Variants in SEMA5B observed in about 807,000 individuals in gnomAD.
SEMA5B encodes the protein semaphorin-5B.
SEMA5B carries 66 observed loss-of-function variants against 135.0 expected under a neutral mutation model. That is an observed-to-expected ratio of 0.49 (90% confidence interval 0.40 to 0.60). SEMA5B has a LOEUF of 0.60. Among genes scored for constraint, SEMA5B ranks in the 20% least tolerant of loss-of-function variants. The pLI, the probability that SEMA5B is intolerant of heterozygous loss-of-function variation, is 0.00. For missense variants in SEMA5B, 1,501 were observed against 1,566.3 expected, an observed-to-expected ratio of 0.96 and a Z score of 0.70; for synonymous variants, 690 against 639.5, an observed-to-expected ratio of 1.08 and a Z score of -1.19.
rs551525977 is a variant in SEMA5B, at chr3:122,910,758, C to G, written c.3297+82G>C. ...CCGGGAGGCAGAGCTTGCAATGAGC[C>G]GAGATCCCACCACTGCACTCCAGCC... is the stretch of plus-strand genomic sequence containing the variant. On this transcript the variant is annotated intron_variant, in intron 22 of 22. Transcript: ENST00000357599. The G allele has an allele frequency of 6.1e-6, 7 of 1,155,374 alleles. No individual in the cohort carries two copies. The East Asian group carries it at 1.5e-4, about 25-fold the overall frequency. 71.6% of individuals were successfully genotyped at this position (1,155,374 alleles called of 1,614,324 possible).
chr3:122,998,116 G>C (rs1432444899), intron 1 of SEMA5B, among the ~76,000 whole-genome samples: 1 of 152,078 alleles, frequency 6.6e-6, no homozygotes, highest in East Asian at 1.9e-4. Context: ...GCCTCCCTTG[G>C]GGCCTTCTTA....
In SEMA5B at chr3:122,912,953, C is replaced by T. The variant is rs766588799; in HGVS notation, c.2615G>A (p.Gly872Asp). The change falls in exon 18 of 23, where the codon GGC becomes GAC. Residue 872 changes from glycine (G) to aspartate (D), a missense_variant. Transcript: ENST00000357599. ...WSSCSRDCEL[G>D]FRVRKRTCTN... ...GCACGTTCTCTTGCGGACGCGGAAG[C>T]CCAGCTCGCAGTCCCGGGAGCAGGA... 1.6e-5 allele frequency: 25 copies of T among 1,612,590 alleles called. No homozygotes were observed. Among genetic ancestry groups the T allele is most frequent in the Non-Finnish European group, 2.0e-5 (24 of 1,179,444 alleles).
intron 1 of SEMA5B, among the ~76,000 whole-genome samples, chr3:122,977,853 C>T (rs563675847): frequency 7.7e-4 from 118 of 152,374 alleles, no homozygotes; most frequent in Admixed American, 2.0e-3. Flanking sequence ...TTAGCCATCC[C>T]TCCAGATGGT....
At chr3:122,976,690 T>G (rs1370057956) in intron 1 of SEMA5B, among the ~76,000 whole-genome samples, 1 of 152,246 alleles carries the variant, frequency 6.6e-6, no homozygotes, top group Non-Finnish European at 1.5e-5. Context: ...CCATTTTATT[T>G]TTTGATGCAT....
Position 122,932,415 on chromosome 3 carries a change from A to G in SEMA5B, c.475-3357T>C, listed in dbSNP as rs141682890. ...TTGCAACCCTTGGTCAAAGTGAAACATTTCCCAGGCATTCGGGCTGTGAGA... is the reference window on the plus strand; with the variant it reads ...TTGCAACCCTTGGTCAAAGTGAAACGTTTCCCAGGCATTCGGGCTGTGAGA... On this transcript the variant is annotated intron_variant, in intron 5 of 22. Transcript: ENST00000357599. 2.8e-3 allele frequency among the ~76,000 whole-genome samples: 428 copies of G among 151,978 alleles called. 2 individuals are homozygous for G. Among genetic ancestry groups the G allele is most frequent in the African/African-American group, 8.5e-3 (353 of 41,420 alleles).
chr3:123,022,838 C>T (rs928934147), intron 1 of SEMA5B, among the ~76,000 whole-genome samples: 2 of 152,218 alleles, frequency 1.3e-5, no homozygotes, highest in African/African-American at 4.8e-5. Flanking sequence ...CAACATTCAG[C>T]ACCCTTCTGT....
intron 1 of SEMA5B, among the ~76,000 whole-genome samples, chr3:123,006,951 C>T (rs976525128): frequency 6.6e-6 from 1 of 152,206 alleles, no homozygotes; most frequent in Non-Finnish European, 1.5e-5. Flanking sequence ...CCTCTCTTTG[C>T]ATCCCCGGTC....
At chr3:122,950,606 A>G (rs1940004829) in intron 2 of SEMA5B, among the ~76,000 whole-genome samples, 1 of 152,218 alleles carries the variant, frequency 6.6e-6, no homozygotes. Flanking sequence ...TCAGGTTTGT[A>G]TGTTGCATGT....
At chr3:123,028,000 T>G (rs917020954), upstream of SEMA5B, among the ~76,000 whole-genome samples, 3 of 152,108 alleles carry the variant, frequency 2.0e-5, no homozygotes, top group South Asian at 2.1e-4. Context: ...ACCAGCCCGG[T>G]GGGCCGAAGC....
intron 1 of SEMA5B, among the ~76,000 whole-genome samples, chr3:122,974,065 G>T (rs966065838): frequency 6.6e-6 from 1 of 152,192 alleles, no homozygotes; most frequent in African/African-American, 2.4e-5. Context: ...GAGAGCAAAT[G>T]GCTGGCTGAG....
chr3:122,986,548 G>C (rs1039262716), intron 1 of SEMA5B, among the ~76,000 whole-genome samples: 1 of 152,136 alleles, frequency 6.6e-6, no homozygotes, highest in South Asian at 2.1e-4. Context: ...TAAGGCAAGA[G>C]AGGCAGGAGG....
intron 1 of SEMA5B, among the ~76,000 whole-genome samples, chr3:122,991,387 T>C (rs1304537762): frequency 1.3e-5 from 2 of 152,136 alleles, no homozygotes; most frequent in East Asian, 3.9e-4. Flanking sequence ...CCTGAACCAG[T>C]AGTTCTCAGC....
At chr3:122,985,255 G>C (rs1166188370) in intron 1 of SEMA5B, among the ~76,000 whole-genome samples, 1 of 152,186 alleles carries the variant, frequency 6.6e-6, no homozygotes, top group Non-Finnish European at 1.5e-5. Context: ...CACTTTGAGA[G>C]GCCAAGGCAG....
chr3:122,949,398 A>G (rs544175690), intron 2 of SEMA5B, among the ~76,000 whole-genome samples: 1 of 152,372 alleles, frequency 6.6e-6, no homozygotes, highest in South Asian at 2.1e-4. Flanking sequence ...GCCTTTGCAA[A>G]AAGTATGACA....
chr3:122,973,140 T>A (rs1941190379), intron 1 of SEMA5B, among the ~76,000 whole-genome samples: 1 of 152,026 alleles, frequency 6.6e-6, no homozygotes, highest in Non-Finnish European at 1.5e-5. Context: ...CTTTGGGGAG[T>A]GGGCAGTATT....
intron 1 of SEMA5B, among the ~76,000 whole-genome samples, chr3:122,984,156 C>T (rs1346859221): frequency 6.6e-6 from 1 of 152,228 alleles, no homozygotes; most frequent in Non-Finnish European, 1.5e-5. Context: ...TTCACTGTCT[C>T]CCGCCCCCCG....
intron 1 of SEMA5B, among the ~76,000 whole-genome samples, chr3:123,026,385 C>T (rs1227559604): frequency 6.6e-6 from 1 of 151,180 alleles, no homozygotes; most frequent in Admixed American, 6.6e-5. Flanking sequence ...CATCCAGACT[C>T]TCGGCCCACT....
At chr3:122,976,888 A>G (rs571805616) in intron 1 of SEMA5B, among the ~76,000 whole-genome samples, 1 of 152,252 alleles carries the variant, frequency 6.6e-6, no homozygotes, top group Admixed American at 6.5e-5. Context: ...GGTCTCTCCT[A>G]AAAATACAAA....
In SEMA5B at chr3:122,922,249, T is replaced by C. The variant is rs776036277; in HGVS notation, c.1471A>G (p.Ile491Val). 2 of 1,612,500 alleles carry C rather than the reference T, an allele frequency of 1.2e-6. No homozygotes were observed. Among genetic ancestry groups the C allele is most frequent in the African/African-American group, 1.3e-5 (1 of 75,030 alleles). ...GACCGGGCCGGCTCACCGGTGCCAATGTAGAGTACATGGTAGAGCGTGTCT... is the reference window on the plus strand; with the variant it reads ...GACCGGGCCGGCTCACCGGTGCCAACGTAGAGTACATGGTAGAGCGTGTCT... ...AKDTLYHVLYIGTESGTILKA... is the reference protein window; with the variant it reads ...AKDTLYHVLYVGTESGTILKA... The change falls in exon 11 of 23, where the codon ATT becomes GTT. Residue 491 changes from isoleucine to valine, a missense_variant. Ile to Val is a conservative substitution (Grantham distance 29). This residue lies in a region of SEMA5B where 574 missense variants were observed against 684.7 expected (regional missense o/e 0.84). Transcript: ENST00000357599.
Sources: allele counts gnomAD v4.1 joint callset (sites outside exome capture counted in the v4.1 genomes callset), GRCh38; gene constraint gnomAD v4.1.1; regional missense constraint gnomAD v4.1.1; transcripts MANE v1.5; gene names NCBI Gene and HGNC (gene_info 2026-07-23, HGNC 2026-07-21).